Variants in DCDC2C observed in about 807,000 individuals in gnomAD.
DCDC2C encodes doublecortin domain containing 2C.
DCDC2C carries 44 observed loss-of-function variants against 45.0 expected under a neutral mutation model. That is an observed-to-expected ratio of 0.98 (90% CI 0.77 to 1.26). The LOEUF (loss-of-function observed/expected upper bound fraction) is 1.26. Among genes scored for constraint, DCDC2C ranks in the 50% most tolerant of loss-of-function variants. DCDC2C has a pLI of 0.00. For synonymous variants in DCDC2C, 187 were observed against 178.8 expected, an observed-to-expected ratio of 1.05 and a Z score of -0.37; for missense variants, 447 against 468.9, an observed-to-expected ratio of 0.95 and a Z score of 0.43.
intron 10 of DCDC2C, among the ~76,000 whole-genome samples, chr2:3,813,651 T>TTG (rs1671475612): frequency 6.6e-6 from 1 of 151,670 alleles, no homozygotes; most frequent in African/African-American, 2.4e-5. Context: ...TTTTTTTTTT[T>TTG]TTACCATTAT....
chr2:3,752,555 A>G (rs1456333073), intron 4 of DCDC2C: 1 of 668,674 alleles, frequency 1.5e-6, no homozygotes, highest in Non-Finnish European at 2.7e-6. Flanking sequence ...CTTTAATTAA[A>G]AAATCTAAAA....
intron 2 of DCDC2C, 62 bp from the exon 3 acceptor site, chr2:3,726,941 T>G: frequency 1.2e-5 from 17 of 1,421,472 alleles, no homozygotes; most frequent in Non-Finnish European, 1.6e-5. Flanking sequence ...TGCACACTGT[T>G]GAGTTTGATG....
chr2:3,752,945 T>A (rs1669585342), intron 5 of DCDC2C, 45 bp downstream of exon 5: 1 of 1,536,326 alleles, frequency 6.5e-7, no homozygotes, highest in Non-Finnish European at 8.8e-7. Context: ...TGGAAAAAAA[T>A]TAGCCTTTTC....
chr2:3,715,545 A>T (rs936151060), intron 2 of DCDC2C, among the ~76,000 whole-genome samples: 12 of 149,304 alleles, frequency 8.0e-5, no homozygotes, highest in Non-Finnish European at 1.6e-4. Context: ...GTAATTATGC[A>T]TGTATTCTGC....
intron 10 of DCDC2C, among the ~76,000 whole-genome samples, chr2:3,801,094 G>C (rs1281148174): frequency 6.6e-6 from 1 of 152,210 alleles, no homozygotes; most frequent in Non-Finnish European, 1.5e-5. Context: ...GGGAAGTTGT[G>C]CATGAGATGA....
intron 10 of DCDC2C, among the ~76,000 whole-genome samples, chr2:3,827,117 C>A (rs1234922469): frequency 6.6e-6 from 1 of 152,194 alleles, no homozygotes; most frequent in African/African-American, 2.4e-5. Flanking sequence ...ACACCCCAGC[C>A]CATCACCCAT....
In DCDC2C at chr2:3,790,414, A is replaced by G. The variant is rs145863630; in HGVS notation, c.1065+5314A>G. Among the ~76,000 whole-genome samples, 211 of 152,344 alleles carry G rather than the reference A, an allele frequency of 1.4e-3. 1 individual carries two copies. Among genetic ancestry groups the G allele is most frequent in the African/African-American group, 5.0e-3 (206 of 41,584 alleles). On this transcript the variant is annotated intron_variant, in intron 10 of 10. Coordinates refer to ENST00000399143, the MANE Select transcript of DCDC2C (RefSeq NM_001287444.2). ...CTACTGATGAAAACACCATTTCAGC[A>G]TCTTACTGAAGTGAAATGCATCCAC... is the stretch of plus-strand genomic sequence containing the variant.
chr2:3,833,047 C>T (rs1217667894), intron 10 of DCDC2C, among the ~76,000 whole-genome samples: 1 of 152,232 alleles, frequency 6.6e-6, no homozygotes, highest in Non-Finnish European at 1.5e-5. Flanking sequence ...TTGCCTTTTC[C>T]AGCCTCTGTA....
intron 6 of DCDC2C, among the ~76,000 whole-genome samples, chr2:3,758,673 A>G (rs1015134372): frequency 2.0e-5 from 3 of 152,154 alleles, no homozygotes; most frequent in Non-Finnish European, 4.4e-5. Flanking sequence ...TCAGGCAACA[A>G]GGGTTTATGA....
At chr2:3,730,177 A>C (rs1474682168) in intron 3 of DCDC2C, among the ~76,000 whole-genome samples, 1 of 152,172 alleles carries the variant, frequency 6.6e-6, no homozygotes, top group East Asian at 1.9e-4. Context: ...GAGGCCAGGC[A>C]CAGTCGCTCA....
chr2:3,730,107 C>A (rs974442984), intron 3 of DCDC2C, among the ~76,000 whole-genome samples: 1 of 152,134 alleles, frequency 6.6e-6, no homozygotes, highest in Non-Finnish European at 1.5e-5. Context: ...AACCCTCCCA[C>A]GAGGGTGGTA....
At chr2:3,805,054 A>G (rs1671205555) in intron 10 of DCDC2C, among the ~76,000 whole-genome samples, 2 of 152,252 alleles carry the variant, frequency 1.3e-5, no homozygotes, top group Admixed American at 6.5e-5. Context: ...ATTGCCAAAT[A>G]TCCTCACCTA....
intron 4 of DCDC2C, among the ~76,000 whole-genome samples, chr2:3,744,280 C>T (rs946280395): frequency 6.6e-6 from 1 of 152,094 alleles, no homozygotes; most frequent in Non-Finnish European, 1.5e-5. Context: ...GCACAGCAGG[C>T]GGAGCCATTG....
intron 10 of DCDC2C, among the ~76,000 whole-genome samples, chr2:3,805,306 A>G (rs956931000): frequency 1.3e-5 from 2 of 152,246 alleles, no homozygotes; most frequent in Admixed American, 6.5e-5. Context: ...TGCCAGGTTG[A>G]TGAGTCCGAC....
chr2:3,791,648 G>T (rs1298726621), intron 10 of DCDC2C, among the ~76,000 whole-genome samples: 1 of 152,166 alleles, frequency 6.6e-6, no homozygotes, highest in Admixed American at 6.5e-5. Context: ...TCTCCCCAGT[G>T]GACTTGGATT....
At chr2:3,841,030 C>A (rs568226014) in intron 10 of DCDC2C, among the ~76,000 whole-genome samples, 1 of 152,180 alleles carries the variant, frequency 6.6e-6, no homozygotes, top group Non-Finnish European at 1.5e-5. Flanking sequence ...TTTGGCGTAC[C>A]GTACGGTGGC....
At chr2:3,737,200 T>C (rs976143987) in intron 3 of DCDC2C, among the ~76,000 whole-genome samples, 2 of 151,926 alleles carry the variant, frequency 1.3e-5, no homozygotes, top group Admixed American at 6.5e-5. Flanking sequence ...GAATGAGAGG[T>C]CCAGAGATAG....
intron 10 of DCDC2C, among the ~76,000 whole-genome samples, chr2:3,793,445 A>G (rs73910376): frequency 0.021 from 3,187 of 152,306 alleles, 124 homozygotes; most frequent in African/African-American, 0.073. Flanking sequence ...GTGCACCTGC[A>G]GCTGACAAAT....
At chr2:3,770,326 A>G (rs541221817) in intron 8 of DCDC2C, among the ~76,000 whole-genome samples, 10 of 152,310 alleles carry the variant, frequency 6.6e-5, no homozygotes, top group African/African-American at 2.4e-4. Context: ...CCTTTCTCCG[A>G]ATGGATCACT....
Sources: allele counts gnomAD v4.1 joint callset (sites outside exome capture counted in the v4.1 genomes callset), GRCh38; gene constraint gnomAD v4.1.1; transcripts MANE v1.5; gene names NCBI Gene and HGNC (gene_info 2026-07-23, HGNC 2026-07-21).